COL22A1: variants seen among roughly 807,000 people sequenced by gnomAD.
COL22A1 encodes collagen type XXII alpha 1 chain.
COL22A1 carries 221 observed loss-of-function variants against 248.9 expected under a neutral mutation model. The ratio of observed to expected loss-of-function variants is 0.89; its 90% confidence interval spans 0.80 to 0.99. The LOEUF is 0.99. Among genes scored for constraint, COL22A1 ranks in the 50% least tolerant of loss-of-function variants. The probability of loss-of-function intolerance (pLI) is 0.00; values close to 1 mark genes in which losing one functional copy is unlikely to be tolerated. For synonymous variants in COL22A1, 891 were observed against 793.4 expected, an observed-to-expected ratio of 1.12 and a Z score of -2.07; for missense variants, 2,240 against 2,179.0, an observed-to-expected ratio of 1.03 and a Z score of -0.56.
intron 57 of COL22A1, 84 bp from the exon 58 acceptor site, chr8:138,606,536 T>C: frequency 1.5e-6 from 2 of 1,333,756 alleles, no homozygotes; most frequent in Non-Finnish European, 2.1e-6. Flanking sequence ...CACTCTGAAA[T>C]CAAAAGGCCT....
chr8:138,615,040 A>G lies in COL22A1; in HGVS notation c.3924+961T>C, dbSNP rs185259852. 5.9e-5 allele frequency among the ~76,000 whole-genome samples: 9 copies of G among 152,258 alleles called. No homozygotes were observed. In the East Asian group the frequency reaches 1.7e-3, roughly 29 times the overall value. On this transcript the variant is annotated intron_variant, in intron 55 of 64. Coordinates refer to ENST00000303045, the MANE Select transcript of COL22A1 (RefSeq NM_152888.3). ...ATCTGACCAATCGGCCAGTTCCATG[A>G]TGCCACTCTGCATCTCACACGTCCA...
chr8:138,816,873 T>C (rs1179843166), intron 7 of COL22A1, among the ~76,000 whole-genome samples: 1 of 152,216 alleles, frequency 6.6e-6, no homozygotes, highest in Non-Finnish European at 1.5e-5. Flanking sequence ...GGTTTTAACA[T>C]AAAAATGCAA....
chr8:138,787,907 T>A (rs889497757), intron 12 of COL22A1, among the ~76,000 whole-genome samples: 6 of 152,224 alleles, frequency 3.9e-5, no homozygotes, highest in African/African-American at 1.4e-4. Flanking sequence ...GGGATCATCC[T>A]TTTACCTCAT....
intron 11 of COL22A1, among the ~76,000 whole-genome samples, chr8:138,802,426 G>A (rs1817076353): frequency 6.6e-6 from 1 of 151,942 alleles, no homozygotes; most frequent in Admixed American, 6.6e-5. Flanking sequence ...CTGGGTTTTG[G>A]AGTGATGTCT....
intron 3 of COL22A1, among the ~76,000 whole-genome samples, chr8:138,847,295 C>T (rs919658569): frequency 2.0e-5 from 3 of 152,210 alleles, no homozygotes; most frequent in Non-Finnish European, 4.4e-5. Context: ...GAATGGGGAG[C>T]CTCCCAGGCA....
intron 1 of COL22A1, among the ~76,000 whole-genome samples, chr8:138,888,701 G>T (rs2318344): frequency 6.6e-6 from 1 of 151,930 alleles, no homozygotes; most frequent in African/African-American, 2.4e-5. Context: ...AACACATAAG[G>T]GCAGTCAGGG....
intron 62 of COL22A1, among the ~76,000 whole-genome samples, chr8:138,595,558 T>C (rs966661271): frequency 6.6e-6 from 1 of 152,112 alleles, no homozygotes; most frequent in African/African-American, 2.4e-5. Flanking sequence ...CCTCCTCTCA[T>C]CGCCTCCTTC....
intron 7 of COL22A1, among the ~76,000 whole-genome samples, chr8:138,819,951 TA>T (rs1818970789): frequency 6.6e-6 from 1 of 152,074 alleles, no homozygotes; most frequent in African/African-American, 2.4e-5. Flanking sequence ...TCCTCATAAG[TA>T]AAGTGCATGG....
At chr8:138,619,978 G>A (rs1054279991) in intron 52 of COL22A1, 1 of 173,568 alleles carries the variant, frequency 5.8e-6, no homozygotes, top group African/African-American at 2.4e-5. Flanking sequence ...ACACCTAAGC[G>A]GATGCTCTTT....
At chr8:138,679,575 C>T (rs766800842) in intron 40 of COL22A1, 42 bp downstream of exon 40, 25 of 1,565,326 alleles carry the variant, frequency 1.6e-5, no homozygotes, top group Non-Finnish European at 2.2e-5. Flanking sequence ...CCTGTCTTGT[C>T]CTTCTGTCTT....
chr8:138,783,269 T>C (rs1343572928), intron 12 of COL22A1, among the ~76,000 whole-genome samples: 1 of 152,096 alleles, frequency 6.6e-6, no homozygotes, highest in Non-Finnish European at 1.5e-5. Context: ...GTATTAGGGT[T>C]TTCTAGAGGG....
chr8:138,693,371 C>T (rs1015535739), intron 35 of COL22A1, among the ~76,000 whole-genome samples: 12 of 152,126 alleles, frequency 7.9e-5, no homozygotes, highest in African/African-American at 2.7e-4. Flanking sequence ...ACCTCACCTG[C>T]GAGGGGAGGT....
At chr8:138,644,915 A>T (rs992820557) in intron 47 of COL22A1, among the ~76,000 whole-genome samples, 2 of 152,148 alleles carry the variant, frequency 1.3e-5, no homozygotes, top group African/African-American at 4.8e-5. Flanking sequence ...GTGCAATCCT[A>T]TGTGAGAAAT....
At chr8:138,612,466 C>T (rs538591481) in intron 56 of COL22A1, among the ~76,000 whole-genome samples, 1 of 152,156 alleles carries the variant, frequency 6.6e-6, no homozygotes, top group Non-Finnish European at 1.5e-5. Context: ...ATATGGAATG[C>T]TATGGGGTTC....
In COL22A1 at chr8:138,821,121, C is replaced by T. The variant is rs185778557; in HGVS notation, c.1245+15G>A. ...GGCCTGGAACCTGGGCTGCAGAAGGCCCCCTGGTACTCACGTCAATGGGCA... is the reference window on the plus strand; with the variant it reads ...GGCCTGGAACCTGGGCTGCAGAAGGTCCCCTGGTACTCACGTCAATGGGCA... On this transcript the variant is annotated intron_variant, in intron 7 of 64. Coordinates refer to ENST00000303045, the MANE Select transcript of COL22A1 (RefSeq NM_152888.3). 1.9e-6 allele frequency: 3 copies of T among 1,606,434 alleles called. No individual in the cohort carries two copies. Among genetic ancestry groups the T allele is most frequent in the Non-Finnish European group, 2.6e-6 (3 of 1,173,684 alleles).
At chr8:138,896,414 A>G (rs1825416823) in intron 1 of COL22A1, among the ~76,000 whole-genome samples, 1 of 152,232 alleles carries the variant, frequency 6.6e-6, no homozygotes, top group Admixed American at 6.5e-5. Context: ...TAAAACATCC[A>G]TACTAGTTGA....
chr8:138,687,587 T>C (rs1564193874), intron 37 of COL22A1, among the ~76,000 whole-genome samples: 2 of 152,184 alleles, frequency 1.3e-5, no homozygotes, highest in Non-Finnish European at 1.5e-5. Flanking sequence ...TGGATACTAG[T>C]GTGATCTGCT....
intron 32 of COL22A1, 91 bp from the exon 33 acceptor site, chr8:138,694,970 A>T: frequency 8.1e-7 from 1 of 1,233,572 alleles, no homozygotes; most frequent in Non-Finnish European, 1.2e-6. Context: ...CACACAGGCC[A>T]CCTCCAGTCC....
intron 22 of COL22A1, among the ~76,000 whole-genome samples, chr8:138,737,980 G>A (rs1029353209): frequency 3.3e-5 from 5 of 151,728 alleles, no homozygotes; most frequent in Non-Finnish European, 5.9e-5. Context: ...CCTTACACAC[G>A]CACACACACC....
Sources: allele counts gnomAD v4.1 joint callset (sites outside exome capture counted in the v4.1 genomes callset), GRCh38; gene constraint gnomAD v4.1.1; transcripts MANE v1.5; gene names NCBI Gene and HGNC (gene_info 2026-07-23, HGNC 2026-07-21).